Variants in FSTL4 observed in about 807,000 individuals in gnomAD.
FSTL4 encodes the protein follistatin like 4.
In FSTL4, 28 loss-of-function variants were observed where a neutral mutation model predicts 78.2. The ratio of observed to expected loss-of-function variants is 0.36; its 90% CI spans 0.27 to 0.49. The LOEUF (loss-of-function observed/expected upper bound fraction) is 0.49. FSTL4 is among the 20% of genes least tolerant of loss of function. The probability of loss-of-function intolerance (pLI) is 0.98; values close to 1 mark genes in which losing one functional copy is unlikely to be tolerated. For missense variants in FSTL4, 922 were observed against 1,084.9 expected (o/e 0.85, Z 2.11); for synonymous variants, 422 against 440.5 (o/e 0.96, Z 0.53).
At chr5:133,259,370 G>A (rs1752458989) in intron 6 of FSTL4, among the ~76,000 whole-genome samples, 1 of 152,112 alleles carries the variant, frequency 6.6e-6, no homozygotes, top group African/African-American at 2.4e-5. Flanking sequence ...AAATAGACCA[G>A]TGCAGCTGAA....
intron 6 of FSTL4, among the ~76,000 whole-genome samples, chr5:133,293,535 C>G (rs1281945736): frequency 6.6e-6 from 1 of 152,208 alleles, no homozygotes; most frequent in East Asian, 1.9e-4. Context: ...TTTCCCAGCT[C>G]TTCCTGTAGT....
At chr5:133,314,368 G>C (rs1753854075) in intron 5 of FSTL4, among the ~76,000 whole-genome samples, 1 of 152,224 alleles carries the variant, frequency 6.6e-6, no homozygotes, top group South Asian at 2.1e-4. Flanking sequence ...AAGCCTCCTG[G>C]GATGCAGGCC....
the FSTL4 span, among the ~76,000 whole-genome samples, chr5:133,730,617 T>C: frequency 6.6e-6 from 1 of 152,204 alleles, no homozygotes; most frequent in African/African-American, 2.4e-5. Flanking sequence ...GCAAAGCTGC[T>C]AGACGCTTTC....
the FSTL4 span, among the ~76,000 whole-genome samples, chr5:133,838,861 A>G: frequency 2.6e-4 from 39 of 152,220 alleles, no homozygotes; most frequent in African/African-American, 8.9e-4. Context: ...GCCACCTCTC[A>G]GTGCAGGTGA....
At chr5:133,752,671 T>G in the FSTL4 span, among the ~76,000 whole-genome samples, 1 of 152,128 alleles carries the variant, frequency 6.6e-6, no homozygotes, top group South Asian at 2.1e-4. Flanking sequence ...TTTCCTAGCA[T>G]TCGTGGAAAA....
the FSTL4 span, among the ~76,000 whole-genome samples, chr5:133,759,644 G>T: frequency 6.6e-6 from 1 of 152,190 alleles, no homozygotes; most frequent in Non-Finnish European, 1.5e-5. Flanking sequence ...AAAAACATTT[G>T]TACCATATAA....
intron 7 of FSTL4, among the ~76,000 whole-genome samples, chr5:133,239,848 G>A (rs1281542578): frequency 1.3e-5 from 2 of 152,098 alleles, no homozygotes; most frequent in Non-Finnish European, 2.9e-5. Context: ...GATTATAAAC[G>A]CACCAATCAG....
At chr5:133,615,388 G>T (rs1179388864), upstream of FSTL4, among the ~76,000 whole-genome samples, 1 of 152,228 alleles carries the variant, frequency 6.6e-6, no homozygotes, top group African/African-American at 2.4e-5. Flanking sequence ...GGAGAGCCCT[G>T]GATGGGAGGC....
intron 6 of FSTL4, among the ~76,000 whole-genome samples, chr5:133,310,770 G>T (rs1753760052): frequency 6.6e-6 from 1 of 152,210 alleles, no homozygotes; most frequent in South Asian, 2.1e-4. Context: ...TAGGCTCAGA[G>T]AGTGTTTTTG....
the FSTL4 span, among the ~76,000 whole-genome samples, chr5:133,669,071 G>A: frequency 6.6e-6 from 1 of 152,198 alleles, no homozygotes; most frequent in Admixed American, 6.5e-5. Context: ...CAGCCTCACA[G>A]AGGTAGCATA....
the FSTL4 span, among the ~76,000 whole-genome samples, chr5:133,684,236 G>A: frequency 6.6e-6 from 1 of 152,220 alleles, no homozygotes. Flanking sequence ...AGCAGGCGGG[G>A]ATGCTCACCT....
the FSTL4 span, among the ~76,000 whole-genome samples, chr5:133,831,081 G>A: frequency 6.6e-6 from 1 of 152,180 alleles, no homozygotes; most frequent in Non-Finnish European, 1.5e-5. Flanking sequence ...CCCTGGTGTT[G>A]TAAAAGATAC....
the FSTL4 span, among the ~76,000 whole-genome samples, chr5:133,629,155 C>T: frequency 0.19 from 28,309 of 148,074 alleles, 3,111 homozygotes; most frequent in African/African-American, 0.29. Context: ...CATCAATACC[C>T]AGCTTATTGA....
chr5:133,232,066 CA>C (rs1435569283), intron 8 of FSTL4, among the ~76,000 whole-genome samples: 4 of 152,132 alleles, frequency 2.6e-5, no homozygotes, highest in African/African-American at 9.7e-5. Flanking sequence ...GTGGGGAGGT[CA>C]AGGGTGTTTT....
chr5:133,418,704 A>G (rs1756630851), intron 3 of FSTL4, among the ~76,000 whole-genome samples: 1 of 152,256 alleles, frequency 6.6e-6, no homozygotes, highest in Non-Finnish European at 1.5e-5. Context: ...GGATGGAAAT[A>G]GCATTATACT....
chr5:133,279,227 C>T (rs1221593589), intron 6 of FSTL4, among the ~76,000 whole-genome samples: 4 of 152,302 alleles, frequency 2.6e-5, no homozygotes, highest in East Asian at 3.9e-4. Context: ...AGGTGAGCGG[C>T]GGGCACTGAG....
the FSTL4 span, among the ~76,000 whole-genome samples, chr5:133,725,937 G>T: frequency 1.3e-5 from 2 of 152,122 alleles, no homozygotes; most frequent in African/African-American, 4.8e-5. Context: ...GAGTTAAAGC[G>T]TGAAACAACA....
At chr5:133,694,647 A>T in the FSTL4 span, among the ~76,000 whole-genome samples, 24 of 152,350 alleles carry the variant, frequency 1.6e-4, 1 homozygote, top group Admixed American at 1.2e-3. Context: ...AGCACCTGTG[A>T]CCATTCATCT....
chr5:133,699,754 A>G, the FSTL4 span, among the ~76,000 whole-genome samples: 9 of 151,628 alleles, frequency 5.9e-5, no homozygotes, highest in East Asian at 1.9e-4. Context: ...AGTGGCGGGC[A>G]CCTGTAGTCC....
Sources: allele counts gnomAD v4.1 joint callset (sites outside exome capture counted in the v4.1 genomes callset), GRCh38; gene constraint gnomAD v4.1.1; transcripts MANE v1.5; gene names NCBI Gene and HGNC (gene_info 2026-07-23, HGNC 2026-07-21).